The following CTIF variants were observed in gnomAD, a reference collection of about 807,000 sequenced individuals.
CTIF encodes CBP80/20-dependent translation initiation factor.
CTIF carries 21 observed loss-of-function variants against 66.0 expected under a neutral mutation model. The observed-to-expected ratio is 0.32, with a 90% confidence interval of 0.23 to 0.46. CTIF has a LOEUF of 0.46. CTIF is among the 20% of genes least tolerant of loss of function. The pLI is 1.00. For synonymous variants in CTIF, 345 were observed against 326.4 expected, an observed-to-expected ratio of 1.06 and a Z score of -0.62; for missense variants, 739 against 812.7, an observed-to-expected ratio of 0.91 and a Z score of 1.10.
intron 10 of CTIF, among the ~76,000 whole-genome samples, chr18:48,846,983 A>G (rs1048275740): frequency 3.9e-5 from 6 of 152,164 alleles, no homozygotes; most frequent in Non-Finnish European, 8.8e-5. Context: ...GTGAAGGCTC[A>G]GGTTGACCTG....
At chr18:48,682,953 C>G (rs2091771338) in intron 6 of CTIF, 1 of 152,318 alleles carries the variant, frequency 6.6e-6, no homozygotes, top group African/African-American at 2.4e-5. Context: ...TGGGGGCAAC[C>G]CACCTGGATG....
rs529667754 is a variant in CTIF at position 48,562,896 on chromosome 18, G to A, written c.-29+23584G>A. On this transcript the variant is annotated intron_variant, in intron 1 of 11. Transcript: ENST00000256413. The stretch of plus-strand genomic sequence containing the variant: ...TGGAACCAGTTCCCTGGGCCAGAGT[G>A]ATTTGCCTTAGACTCTTGTCATAAA... Among the ~76,000 whole-genome samples, 11 of 152,322 alleles carry A rather than the reference G, an allele frequency of 7.2e-5. No individual in the cohort carries two copies. The South Asian group carries it at 1.7e-3, about 23-fold the overall frequency.
chr18:48,853,359 G>A (rs1469613001), intron 10 of CTIF, among the ~76,000 whole-genome samples: 1 of 152,166 alleles, frequency 6.6e-6, no homozygotes, highest in Non-Finnish European at 1.5e-5. Context: ...GGATGAGGGA[G>A]TGAGGTCTGT....
intron 6 of CTIF, among the ~76,000 whole-genome samples, chr18:48,676,967 G>T (rs1287465425): frequency 6.6e-6 from 1 of 152,064 alleles, no homozygotes; most frequent in Non-Finnish European, 1.5e-5. Flanking sequence ...AGCAGGTGGC[G>T]CTGCTGCTAT....
intron 9 of CTIF, among the ~76,000 whole-genome samples, chr18:48,810,189 A>G (rs1321949741): frequency 6.6e-6 from 1 of 152,068 alleles, no homozygotes; most frequent in Non-Finnish European, 1.5e-5. Flanking sequence ...TATCTGTTTT[A>G]CGCTTACAGC....
intron 10 of CTIF, among the ~76,000 whole-genome samples, chr18:48,836,641 G>T (rs1360830987): frequency 2.6e-5 from 4 of 152,248 alleles, no homozygotes; most frequent in East Asian, 1.9e-4. Context: ...AGGAAGCAGG[G>T]TGGGAAGCCC....
chr18:48,727,242 G>A (rs2092394381), intron 7 of CTIF, among the ~76,000 whole-genome samples: 1 of 152,170 alleles, frequency 6.6e-6, no homozygotes, highest in African/African-American at 2.4e-5. Flanking sequence ...GATATTGGAA[G>A]TTTCTTGATT....
At chr18:48,577,598 A>G (rs1333541225) in intron 1 of CTIF, among the ~76,000 whole-genome samples, 1 of 152,014 alleles carries the variant, frequency 6.6e-6, no homozygotes, top group East Asian at 1.9e-4. Flanking sequence ...TGTTTGAGAT[A>G]GTCTCGCTTT....
At chr18:48,677,669 C>G (rs1250412156) in intron 6 of CTIF, among the ~76,000 whole-genome samples, 1 of 152,194 alleles carries the variant, frequency 6.6e-6, no homozygotes, top group Non-Finnish European at 1.5e-5. Flanking sequence ...GCCTCCTCAT[C>G]ACTCAAGAAT....
chr18:48,646,139 A>T (rs1478246948), intron 3 of CTIF, among the ~76,000 whole-genome samples: 4 of 152,212 alleles, frequency 2.6e-5, no homozygotes, highest in African/African-American at 9.6e-5. Context: ...AGTTACAGAG[A>T]GGGAGAAAAT....
intron 5 of CTIF, among the ~76,000 whole-genome samples, chr18:48,667,005 C>G (rs1306313673): frequency 6.6e-6 from 1 of 151,680 alleles, no homozygotes; most frequent in Non-Finnish European, 1.5e-5. Flanking sequence ...CAGGATTTTG[C>G]TTTTCTCAAG....
chr18:48,711,538 G>T (rs2092223156), intron 6 of CTIF, 81 bp from the exon 7 acceptor site: 2 of 1,040,254 alleles, frequency 1.9e-6, no homozygotes, highest in Non-Finnish European at 1.5e-6. Flanking sequence ...TTAGATGCTG[G>T]TGTACTTAGT....
intron 3 of CTIF, among the ~76,000 whole-genome samples, chr18:48,641,825 C>T (rs144168223): frequency 1.3e-5 from 2 of 152,314 alleles, no homozygotes; most frequent in African/African-American, 4.8e-5. Flanking sequence ...TTCCCCATCC[C>T]CTGATACCTT....
intron 9 of CTIF, among the ~76,000 whole-genome samples, chr18:48,783,695 C>T (rs1911453779): frequency 1.3e-5 from 2 of 152,214 alleles, no homozygotes; most frequent in Admixed American, 6.5e-5. Flanking sequence ...CCTCCTCTAT[C>T]CTCTCGGCTG....
chr18:48,831,310 G>A (rs988789946), intron 10 of CTIF, among the ~76,000 whole-genome samples: 1 of 152,204 alleles, frequency 6.6e-6, no homozygotes, highest in Non-Finnish European at 1.5e-5. Flanking sequence ...ACCCTCCACC[G>A]AGCTTCATAT....
intron 10 of CTIF, among the ~76,000 whole-genome samples, chr18:48,833,014 G>A (rs1003685059): frequency 3.3e-5 from 5 of 152,166 alleles, no homozygotes; most frequent in African/African-American, 1.2e-4. Flanking sequence ...TTTTGGAAAT[G>A]TTAGTCAGAG....
At chr18:48,659,679 CA>C (rs1291527579) in intron 3 of CTIF, among the ~76,000 whole-genome samples, 2 of 152,134 alleles carry the variant, frequency 1.3e-5, no homozygotes, top group Non-Finnish European at 2.9e-5. Flanking sequence ...AGCCTTGTGG[CA>C]AAGGAGAGGT....
rs954593358 is a variant in CTIF, at chr18:48,860,695, C to T, written c.*1136C>T. 2.0e-5 allele frequency: 3 copies of T among 152,310 alleles called. No individual in the cohort carries two copies. The highest frequency in any genetic ancestry group is 6.5e-5 in the Admixed American group (1 of 15,286). The allele number at this position is 152,310 out of a possible 1,614,324, so 9.4% of individuals were successfully genotyped here. ...ATGGGAGTGGGGGCTCCCCAGGACT[C>T]GATTTTAGCTAATGCGCTGTGTCAC... On this transcript the variant is annotated 3_prime_UTR_variant, in exon 12 of 12. Coordinates refer to ENST00000256413, the MANE Select transcript of CTIF (RefSeq NM_014772.3).
Position 48,758,247 on chromosome 18 carries a change from C to T in CTIF, c.913C>T (p.Pro305Ser). 4 of 1,613,410 alleles carry T rather than the reference C, an allele frequency of 2.5e-6. No individual in the cohort carries two copies. Among genetic ancestry groups the T allele is most frequent in the Non-Finnish European group, 3.4e-6 (4 of 1,179,762 alleles). ...EAPRSPDTLA[P>S]VASERLPPQQ... ...CCCCCGCAGCCCTGACACCCTGGCCCCGGTGGCTTCTGAGCGGCTGCCCCC... is the reference window on the plus strand; with the variant it reads ...CCCCCGCAGCCCTGACACCCTGGCCTCGGTGGCTTCTGAGCGGCTGCCCCC... The change falls in exon 8 of 12, where the codon CCG (proline) becomes TCG (serine). Residue 305 changes from proline (P) to serine (S), a missense_variant. Physicochemically the swap from Pro to Ser is moderately conservative, Grantham distance 74. This residue lies in a region of CTIF where 529 missense variants were observed against 520.3 expected (regional missense o/e 1.02). Coordinates refer to ENST00000256413, the MANE Select transcript of CTIF (RefSeq NM_014772.3).
Sources: gnomAD v4.1 joint callset for allele counts (sites outside exome capture counted in the v4.1 genomes callset) on GRCh38, gnomAD v4.1.1 for gene constraint, gnomAD v4.1.1 regional missense constraint, MANE v1.5 for transcripts, NCBI Gene and HGNC (gene_info 2026-07-23, HGNC 2026-07-21) for gene names.